ARHGAP24: variants seen among roughly 807,000 people sequenced by gnomAD.
ARHGAP24 encodes the protein Rho GTPase activating protein 24.
ARHGAP24 carries 50 observed loss-of-function variants against 76.4 expected under a neutral mutation model. The ratio of observed to expected loss-of-function variants is 0.65; its 90% confidence interval spans 0.52 to 0.83. The LOEUF (loss-of-function observed/expected upper bound fraction) is 0.83. ARHGAP24 is among the 40% of genes least tolerant of loss of function. ARHGAP24 has a pLI of 0.00. For missense variants in ARHGAP24, 930 were observed against 914.2 expected (o/e 1.02, Z -0.22); for synonymous variants, 345 against 323.3 (o/e 1.07, Z -0.72).
chr4:85,973,750 A>G (rs920977841), intron 6 of ARHGAP24, among the ~76,000 whole-genome samples: 12 of 150,812 alleles, frequency 8.0e-5, no homozygotes, highest in Admixed American at 2.0e-4. Context: ...TGGATATACA[A>G]TTGTCCCAGC....
At chr4:85,677,616 T>C (rs948506116) in intron 2 of ARHGAP24, among the ~76,000 whole-genome samples, 1 of 152,186 alleles carries the variant, frequency 6.6e-6, no homozygotes, top group African/African-American at 2.4e-5. Flanking sequence ...ATTTTAATAG[T>C]GATTCTGTAA....
At chr4:85,953,923 G>A (rs777357229) in intron 5 of ARHGAP24, among the ~76,000 whole-genome samples, 22 of 152,106 alleles carry the variant, frequency 1.4e-4, no homozygotes, top group Non-Finnish European at 2.4e-4. Context: ...AAAAAGCTGG[G>A]GCCAGTGAGG....
chr4:85,973,833 G>GTTTTTTTTTTTTTTTTTTTTTTT (rs1199796194), intron 6 of ARHGAP24, among the ~76,000 whole-genome samples: 2 of 42,820 alleles, frequency 4.7e-5, no homozygotes, highest in African/African-American at 1.1e-4. Flanking sequence ...GCTGCCTATT[G>GTTTTTTTTTTTTTTTTTTTTTTT]TTTTTTTTTT....
chr4:85,583,580 A>T (rs1470871572), intron 2 of ARHGAP24, among the ~76,000 whole-genome samples: 1 of 152,066 alleles, frequency 6.6e-6, no homozygotes, highest in African/African-American at 2.4e-5. Flanking sequence ...ACAAAAGACA[A>T]AATTGACAAA....
chr4:85,697,052 T>G (rs1269337616), intron 2 of ARHGAP24, among the ~76,000 whole-genome samples: 1 of 152,154 alleles, frequency 6.6e-6, no homozygotes, highest in Non-Finnish European at 1.5e-5. Context: ...AAAAATCCCC[T>G]TTTAGTTTTA....
At chr4:85,646,388 T>C (rs1025890063) in intron 2 of ARHGAP24, among the ~76,000 whole-genome samples, 2 of 152,120 alleles carry the variant, frequency 1.3e-5, no homozygotes, top group African/African-American at 4.8e-5. Context: ...TATTACTCTT[T>C]GGTTTTCAAA....
intron 2 of ARHGAP24, among the ~76,000 whole-genome samples, chr4:85,694,921 G>A (rs909818622): frequency 1.1e-4 from 17 of 152,168 alleles, no homozygotes; most frequent in African/African-American, 3.6e-4. Flanking sequence ...CCATACCTGA[G>A]TTATCAATTT....
intron 1 of ARHGAP24, among the ~76,000 whole-genome samples, chr4:85,562,424 G>A (rs1202840575): frequency 6.6e-6 from 1 of 152,028 alleles, no homozygotes; most frequent in African/African-American, 2.4e-5. Flanking sequence ...GTGAATTTGT[G>A]TGTGTGTGTG....
intron 3 of ARHGAP24, among the ~76,000 whole-genome samples, chr4:85,922,040 A>C (rs992936033): frequency 3.9e-5 from 6 of 152,162 alleles, no homozygotes; most frequent in Admixed American, 3.9e-4. Flanking sequence ...CTGTTTCCCT[A>C]GTAGTGAGAT....
chr4:85,677,535 T>G (rs1723027673), intron 2 of ARHGAP24, among the ~76,000 whole-genome samples: 1 of 152,206 alleles, frequency 6.6e-6, no homozygotes, highest in Non-Finnish European at 1.5e-5. Context: ...ATGAAGTGAG[T>G]TTTTAACCAT....
intron 3 of ARHGAP24, among the ~76,000 whole-genome samples, chr4:85,794,782 G>A (rs1728277601): frequency 6.6e-6 from 1 of 152,128 alleles, no homozygotes; most frequent in Non-Finnish European, 1.5e-5. Context: ...CACCCGACCT[G>A]CAAATCCTTT....
chr4:85,772,043 G>A (rs939896742), intron 3 of ARHGAP24, among the ~76,000 whole-genome samples: 24 of 152,044 alleles, frequency 1.6e-4, no homozygotes, highest in African/African-American at 5.8e-4. Flanking sequence ...ATAAACTGTG[G>A]CACTAAAATA....
At chr4:85,661,954 T>C (rs974391517) in intron 2 of ARHGAP24, among the ~76,000 whole-genome samples, 2 of 152,216 alleles carry the variant, frequency 1.3e-5, no homozygotes, top group African/African-American at 4.8e-5. Flanking sequence ...TCTTTGCTAT[T>C]GTGAATAGTG....
intron 2 of ARHGAP24, among the ~76,000 whole-genome samples, chr4:85,663,127 A>T (rs1722470861): frequency 6.6e-6 from 1 of 151,386 alleles, no homozygotes; most frequent in Non-Finnish European, 1.5e-5. Context: ...CATTTTCACG[A>T]TATTGATTCT....
At chr4:85,488,402 G>T (rs1045973247) in intron 1 of ARHGAP24, among the ~76,000 whole-genome samples, 9 of 152,098 alleles carry the variant, frequency 5.9e-5, no homozygotes, top group African/African-American at 2.2e-4. Context: ...TTACTATCTA[G>T]CTAGGCCTCC....
chr4:85,644,627 A>C (rs779743781), intron 2 of ARHGAP24, among the ~76,000 whole-genome samples: 2 of 152,170 alleles, frequency 1.3e-5, no homozygotes, highest in Non-Finnish European at 2.9e-5. Flanking sequence ...AATAATTGTT[A>C]AGATTACAAG....
intron 1 of ARHGAP24, among the ~76,000 whole-genome samples, chr4:85,534,861 G>A (rs1464455632): frequency 6.6e-6 from 1 of 150,574 alleles, no homozygotes; most frequent in East Asian, 2.0e-4. Context: ...GAACATGCTT[G>A]CTCTATCTCC....
chr4:85,822,808 A>G (rs1486013439), intron 3 of ARHGAP24, among the ~76,000 whole-genome samples: 4 of 152,176 alleles, frequency 2.6e-5, no homozygotes, highest in Non-Finnish European at 4.4e-5. Flanking sequence ...CTGCACACAC[A>G]TACACACACC....
At chr4:85,506,067 A>G (rs1724035729) in intron 1 of ARHGAP24, among the ~76,000 whole-genome samples, 1 of 152,126 alleles carries the variant, frequency 6.6e-6, no homozygotes, top group Non-Finnish European at 1.5e-5. Context: ...GCAGAACAGC[A>G]AATGTTGCAG....
Sources: gnomAD v4.1 joint callset for allele counts (sites outside exome capture counted in the v4.1 genomes callset) on GRCh38, gnomAD v4.1.1 for gene constraint, MANE v1.5 for transcripts, NCBI Gene and HGNC (gene_info 2026-07-23, HGNC 2026-07-21) for gene names.